Variants in CTNNBL1 observed in about 807,000 individuals in gnomAD.
CTNNBL1 encodes the protein catenin beta like 1, also known as beta-catenin-like protein 1.
CTNNBL1 carries 31 observed loss-of-function variants against 72.7 expected under a neutral mutation model. That is an observed-to-expected ratio of 0.43 (90% CI 0.32 to 0.58). CTNNBL1 has a LOEUF of 0.58. Ranked by LOEUF, CTNNBL1 falls within the 20% of genes least tolerant of loss-of-function variation. CTNNBL1 has a pLI of 0.08. For synonymous variants in CTNNBL1, 240 were observed against 267.3 expected (o/e 0.90, Z 1.00); for missense variants, 534 against 725.1 (o/e 0.74, Z 3.03).
At chr20:37,808,319 G>A (rs185926819) in intron 11 of CTNNBL1, among the ~76,000 whole-genome samples, 1 of 152,254 alleles carries the variant, frequency 6.6e-6, no homozygotes, top group Non-Finnish European at 1.5e-5. Flanking sequence ...CTCCCACGCC[G>A]CCTCCTAGGA....
chr20:37,739,445 T>C (rs1051677664), intron 3 of CTNNBL1, among the ~76,000 whole-genome samples: 15 of 152,230 alleles, frequency 9.9e-5, no homozygotes, highest in African/African-American at 3.6e-4. Flanking sequence ...AATGGACATT[T>C]GATTATTTTA....
At chr20:37,747,916 G>T (rs2073282496) in intron 4 of CTNNBL1, among the ~76,000 whole-genome samples, 1 of 152,134 alleles carries the variant, frequency 6.6e-6, no homozygotes, top group South Asian at 2.1e-4. Flanking sequence ...GTAGGTACTT[G>T]GTAAATGTTA....
In CTNNBL1 at chr20:37,737,464, G is replaced by A; in HGVS notation, c.306G>A (p.Lys102=). ...RSYKNQELRI[K]FPDNPEKFME... ...ATAAAAACCAAGAATTGCGGATTAAGTTTCCAGACAATCCAGAGAAGTAAG... is the reference window on the plus strand; with the variant it reads ...ATAAAAACCAAGAATTGCGGATTAAATTTCCAGACAATCCAGAGAAGTAAG... Residue 102 remains lysine, a synonymous_variant, in exon 3 of 16, where the codon AAG becomes AAA. Transcript: ENST00000361383. 1 of 1,610,970 alleles carries A rather than the reference G, an allele frequency of 6.2e-7. No homozygotes were observed. The highest frequency in any genetic ancestry group is 1.1e-5 in the South Asian group (1 of 90,912).
chr20:37,824,625 A>G (rs1164933826), intron 11 of CTNNBL1, among the ~76,000 whole-genome samples: 1 of 152,228 alleles, frequency 6.6e-6, no homozygotes, highest in Non-Finnish European at 1.5e-5. Flanking sequence ...TTTCTCTCTC[A>G]GGTAAAAACA....
At chr20:37,706,482 CTT>C in intron 1 of CTNNBL1, among the ~76,000 whole-genome samples, 1 of 152,342 alleles carries the variant, frequency 6.6e-6, no homozygotes, top group East Asian at 1.9e-4. Context: ...CTAGAAGCCA[CTT>C]TCTTTGCTTA....
chr20:37,701,982 A>T (rs149124579), intron 1 of CTNNBL1, among the ~76,000 whole-genome samples: 73 of 152,240 alleles, frequency 4.8e-4, no homozygotes, highest in African/African-American at 1.7e-3. Flanking sequence ...CGCACGTGGA[A>T]TGAATCATTG....
chr20:37,823,894 G>C (rs1481975095), intron 11 of CTNNBL1, among the ~76,000 whole-genome samples: 1 of 152,136 alleles, frequency 6.6e-6, no homozygotes, highest in Non-Finnish European at 1.5e-5. Flanking sequence ...TGCTATCCAG[G>C]GCTAGTGAGA....
At chr20:37,815,394 T>G (rs1886436846) in intron 11 of CTNNBL1, among the ~76,000 whole-genome samples, 1 of 151,250 alleles carries the variant, frequency 6.6e-6, no homozygotes, top group Admixed American at 6.6e-5. Context: ...CTCAGCTCAC[T>G]GCAACCTCCG....
intron 9 of CTNNBL1, 71 bp downstream of exon 9, chr20:37,777,783 A>C: frequency 6.0e-6 from 9 of 1,491,864 alleles, no homozygotes; most frequent in South Asian, 1.1e-5. Flanking sequence ...TGGAGCTGGA[A>C]ACTGTGGGAA....
chr20:37,701,606 A>G (rs947723328), intron 1 of CTNNBL1, among the ~76,000 whole-genome samples: 2 of 152,200 alleles, frequency 1.3e-5, no homozygotes, highest in Non-Finnish European at 2.9e-5. Flanking sequence ...ATGACACTGG[A>G]ATCCTAGCCT....
At chr20:37,737,591 C>G in intron 3 of CTNNBL1, 107 bp downstream of exon 3, 1 of 671,552 alleles carries the variant, frequency 1.5e-6, no homozygotes. Context: ...CCAGGAATCC[C>G]AGGATGACCC....
rs185890946 is a variant in CTNNBL1, at chr20:37,702,015, A to G, written c.30+7863A>G. ...TTGGTTGTTTTACAGTGCTAACAGT[A>G]TACTGTTTGTGTGTGTTCCAATTTT... On this transcript the variant is annotated intron_variant, in intron 1 of 15. Coordinates refer to ENST00000361383, the MANE Select transcript of CTNNBL1 (RefSeq NM_030877.5). 1.2e-4 allele frequency among the ~76,000 whole-genome samples: 18 copies of G among 152,314 alleles called. No homozygotes were observed. The East Asian group carries it at 2.7e-3, about 23-fold the overall frequency.
At chr20:37,809,584 C>G (rs1274497301) in intron 11 of CTNNBL1, among the ~76,000 whole-genome samples, 1 of 152,212 alleles carries the variant, frequency 6.6e-6, no homozygotes, top group Non-Finnish European at 1.5e-5. Flanking sequence ...ACGTGTCACA[C>G]TCATTTCACA....
intron 11 of CTNNBL1, among the ~76,000 whole-genome samples, chr20:37,815,858 A>C (rs985852823): frequency 1.3e-5 from 2 of 152,206 alleles, no homozygotes; most frequent in East Asian, 3.8e-4. Context: ...ACTTGTATAC[A>C]TTTCACTGCT....
rs146264076 is a variant in CTNNBL1, at chr20:37,837,996, G to A, written c.1214-2106G>A. Among the ~76,000 whole-genome samples the A allele has an allele frequency of 2.6e-3, 390 of 152,344 alleles. 3 individuals are homozygous for A. Among genetic ancestry groups the A allele is most frequent in the African/African-American group, 8.7e-3 (361 of 41,576 alleles). On this transcript the variant is annotated intron_variant, in intron 11 of 15. Coordinates refer to ENST00000361383, the MANE Select transcript of CTNNBL1 (RefSeq NM_030877.5). Reference sequence around the variant, plus strand: ...ATAAAGCAGATAAGACTTGAGAATAGCCATGTGAGGCATTGCATTTTTCAA... The same window carrying A: ...ATAAAGCAGATAAGACTTGAGAATAACCATGTGAGGCATTGCATTTTTCAA...
chr20:37,771,248 C>T (rs1007417284), intron 7 of CTNNBL1, among the ~76,000 whole-genome samples: 1 of 152,148 alleles, frequency 6.6e-6, no homozygotes, highest in Non-Finnish European at 1.5e-5. Context: ...ATACAGATTC[C>T]CACACTGTAC....
intron 11 of CTNNBL1, among the ~76,000 whole-genome samples, chr20:37,835,827 T>TA (rs1415145953): frequency 6.6e-6 from 1 of 152,172 alleles, no homozygotes; most frequent in Non-Finnish European, 1.5e-5. Flanking sequence ...TAGCCATTTT[T>TA]AAAAAATGAA....
intron 1 of CTNNBL1, among the ~76,000 whole-genome samples, chr20:37,710,174 C>T (rs1472958487): frequency 1.3e-5 from 2 of 152,230 alleles, no homozygotes; most frequent in Non-Finnish European, 2.9e-5. Flanking sequence ...ATTATGAATA[C>T]ATGTTAGTTG....
chr20:37,778,043 T>A (rs1032921170), intron 9 of CTNNBL1, among the ~76,000 whole-genome samples: 1 of 152,200 alleles, frequency 6.6e-6, no homozygotes, highest in African/African-American at 2.4e-5. Flanking sequence ...CTGCCAAGAT[T>A]ATTCACCAAC....
Sources: allele counts gnomAD v4.1 joint callset (sites outside exome capture counted in the v4.1 genomes callset), GRCh38; gene constraint gnomAD v4.1.1; transcripts MANE v1.5; gene names NCBI Gene and HGNC (gene_info 2026-07-23, HGNC 2026-07-21).